The following TMEM273 variants were observed in gnomAD, a reference collection of about 807,000 sequenced individuals.
The protein encoded by TMEM273 is chromosome 10 open reading frame 128.
A neutral mutation model predicts 17.9 loss-of-function variants in TMEM273; 19 were observed. The ratio of observed to expected loss-of-function variants is 1.06; its 90% CI spans 0.74 to 1.55. The LOEUF (loss-of-function observed/expected upper bound fraction) is 1.55. Among genes scored for constraint, TMEM273 ranks in the 40% most tolerant of loss-of-function variants. The probability of loss-of-function intolerance (pLI) is 0.00; values close to 1 mark genes in which losing one functional copy is unlikely to be tolerated. For synonymous variants in TMEM273, 66 were observed against 62.0 expected (o/e 1.07, Z -0.31); for missense variants, 194 against 155.6 (o/e 1.25, Z -1.31).
At chr10:49,156,889 AG>A (rs1240046793) in intron 6 of TMEM273, among the ~76,000 whole-genome samples, 1 of 152,242 alleles carries the variant, frequency 6.6e-6, no homozygotes, top group African/African-American at 2.4e-5. Flanking sequence ...ATATGGTGAG[AG>A]GAAGTGGTGA....
At chr10:49,165,072 T>C in intron 5 of TMEM273, 133 bp downstream of exon 5, 3 of 1,319,568 alleles carry the variant, frequency 2.3e-6, no homozygotes, top group Non-Finnish European at 3.0e-6. Context: ...GGAGCTTACA[T>C]TTTAGAAAAA....
At chr10:49,177,835 GTGGGGCTAAGCA>G (rs66486203) in intron 1 of TMEM273, among the ~76,000 whole-genome samples, 78,884 of 151,846 alleles carry the variant, frequency 0.52, 22,796 homozygotes, top group Non-Finnish European at 0.65. Flanking sequence ...CTGTCTGCCA[GTGGGGCTAAGCA>G]TGGGCTGGCC....
chr10:49,179,127 T>A (rs1011113071), intron 1 of TMEM273, among the ~76,000 whole-genome samples: 2 of 152,184 alleles, frequency 1.3e-5, no homozygotes, highest in African/African-American at 4.8e-5. Flanking sequence ...AGAACCATTA[T>A]CCAGTTATTT....
At chr10:49,186,083 A>G (rs145483496) in intron 1 of TMEM273, among the ~76,000 whole-genome samples, 5 of 133,842 alleles carry the variant, frequency 3.7e-5, no homozygotes, top group African/African-American at 1.8e-4. Flanking sequence ...AAGAAGAAGA[A>G]GAAGAAGAAG....
chr10:49,161,882 A>G (rs1845867154), intron 5 of TMEM273, among the ~76,000 whole-genome samples: 1 of 152,126 alleles, frequency 6.6e-6, no homozygotes, highest in Admixed American at 6.5e-5. Flanking sequence ...GGTGAGGGCG[A>G]TGTATTAATT....
At chr10:49,168,350 C>T (rs1846333037) in intron 1 of TMEM273, among the ~76,000 whole-genome samples, 1 of 152,144 alleles carries the variant, frequency 6.6e-6, no homozygotes, top group South Asian at 2.1e-4. Flanking sequence ...TGCCTGACCC[C>T]ATCTTCTTCC....
chr10:49,173,637 T>C (rs1024825386), intron 1 of TMEM273, among the ~76,000 whole-genome samples: 4 of 152,206 alleles, frequency 2.6e-5, no homozygotes, highest in African/African-American at 9.6e-5. Flanking sequence ...CTCTATGGCA[T>C]GAAGGCCACA....
At chr10:49,173,863 G>C (rs74875751) in intron 1 of TMEM273, among the ~76,000 whole-genome samples, 4,132 of 152,242 alleles carry the variant, frequency 0.027, 193 homozygotes, top group African/African-American at 0.094. Context: ...GAGAGACAAG[G>C]GGGGGCGATA....
intron 1 of TMEM273, among the ~76,000 whole-genome samples, chr10:49,180,173 G>GTC (rs887555542): frequency 1.3e-5 from 2 of 152,162 alleles, no homozygotes; most frequent in Non-Finnish European, 2.9e-5. Flanking sequence ...GAGTCAGGAC[G>GTC]TCCTACACTG....
At position 49,169,975 on chromosome 10, in the gene TMEM273, G is replaced by A. The variant is rs147213418; in HGVS notation, c.44-2013C>T. ...CCTCAGTGGGTGGGGCCAGACCCCT[G>A]AGCCCCAGGCTCACCCCACGCCCTC... On this transcript the variant is annotated intron_variant, in intron 1 of 6. Transcript: ENST00000374153. Among the ~76,000 whole-genome samples, 964 of 152,330 alleles carry A rather than the reference G, an allele frequency of 6.3e-3. 4 individuals are homozygous for A. The highest frequency in any genetic ancestry group is 0.011 in the Non-Finnish European group (737 of 68,022).
intron 6 of TMEM273, chr10:49,160,603 G>T (rs756016231): frequency 3.9e-5 from 6 of 152,106 alleles, no homozygotes; most frequent in Non-Finnish European, 8.8e-5. Context: ...AATAACCAGA[G>T]AAATTTAAAT....
chr10:49,170,049 G>A (rs1444049534), intron 1 of TMEM273, among the ~76,000 whole-genome samples: 1 of 152,032 alleles, frequency 6.6e-6, no homozygotes. Context: ...ATCCTCCCTT[G>A]GTGGGCATTG....
intron 1 of TMEM273, among the ~76,000 whole-genome samples, chr10:49,176,086 C>T (rs1482715617): frequency 6.6e-6 from 1 of 152,248 alleles, no homozygotes; most frequent in African/African-American, 2.4e-5. Context: ...CCAGACACAA[C>T]ATGGCTCCCA....
intron 1 of TMEM273, among the ~76,000 whole-genome samples, chr10:49,184,622 G>C (rs1319495377): frequency 6.6e-6 from 1 of 152,186 alleles, no homozygotes. Context: ...GTCAAGAATT[G>C]AGAAGTTGGG....
intron 6 of TMEM273, chr10:49,161,263 G>A (rs1396814417): frequency 9.3e-6 from 3 of 323,870 alleles, no homozygotes; most frequent in African/African-American, 6.3e-5. Context: ...TTCATCAAAT[G>A]GACTAAATTG....
intron 1 of TMEM273, among the ~76,000 whole-genome samples, chr10:49,174,339 C>T (rs1048815835): frequency 5.3e-5 from 8 of 152,216 alleles, no homozygotes; most frequent in Non-Finnish European, 1.0e-4. Context: ...GCACCTACCC[C>T]AAGTGCAATA....
At chr10:49,180,763 T>C (rs1352415803) in intron 1 of TMEM273, among the ~76,000 whole-genome samples, 2 of 152,174 alleles carry the variant, frequency 1.3e-5, no homozygotes, top group Non-Finnish European at 2.9e-5. Flanking sequence ...TTGTGAAAAC[T>C]TCCTCAACTT....
chr10:49,183,614 C>G (rs943254379), intron 1 of TMEM273, among the ~76,000 whole-genome samples: 1 of 152,134 alleles, frequency 6.6e-6, no homozygotes, highest in African/African-American at 2.4e-5. Flanking sequence ...AAAAATTCAG[C>G]TTTGGGGCAT....
chr10:49,168,311 C>CT (rs796483367), intron 1 of TMEM273, among the ~76,000 whole-genome samples: 12 of 152,268 alleles, frequency 7.9e-5, no homozygotes, highest in African/African-American at 2.9e-4. Context: ...GCCAGGGAAT[C>CT]TCCTGCCCTG....
Sources: allele counts gnomAD v4.1 joint callset (sites outside exome capture counted in the v4.1 genomes callset), GRCh38; gene constraint gnomAD v4.1.1; transcripts MANE v1.5; gene names NCBI Gene and HGNC (gene_info 2026-07-23, HGNC 2026-07-21).